Variants in TMEM167A observed in about 807,000 individuals in gnomAD.
TMEM167A encodes protein kish-A.
A neutral mutation model predicts 11.6 loss-of-function variants in TMEM167A; 8 were observed. The observed-to-expected ratio is 0.69, with a 90% confidence interval of 0.40 to 1.24. The LOEUF is 1.24. TMEM167A is among the 50% of genes most tolerant of loss of function. TMEM167A has a pLI of 0.01. For missense variants in TMEM167A, 62 were observed against 87.0 expected, an observed-to-expected ratio of 0.71 and a Z score of 1.14; for synonymous variants, 22 against 28.0, an observed-to-expected ratio of 0.79 and a Z score of 0.67.
Position 83,055,033 on chromosome 5 carries a change from T to C in TMEM167A, c.*2051A>G, listed in dbSNP as rs935327561. On this transcript the variant is annotated 3_prime_UTR_variant, in exon 4 of 4. Transcript: ENST00000502346. Reference sequence around the variant, plus strand: ...AATATACATTAAAGAAAATGTTAATTGCTTTTATTCATACTGTGTCTCTCC... The same window carrying C: ...AATATACATTAAAGAAAATGTTAATCGCTTTTATTCATACTGTGTCTCTCC... The C allele has an allele frequency of 6.6e-6, 1 of 151,978 alleles. No individual in the cohort carries two copies. Among genetic ancestry groups the C allele is most frequent in the Non-Finnish European group, 1.5e-5 (1 of 67,926 alleles). 9.4% of individuals were successfully genotyped at this position (151,978 alleles called of 1,614,324 possible).
At position 83,055,454 on chromosome 5, in the gene TMEM167A, T is replaced by C. The variant is rs1323115686; in HGVS notation, c.*1630A>G. On this transcript the variant is annotated 3_prime_UTR_variant, in exon 4 of 4. Coordinates refer to ENST00000502346, the MANE Select transcript of TMEM167A (RefSeq NM_174909.5). Reference sequence around the variant, plus strand: ...TGAGAAACCCTAAAAATCCTTGACCTGATGTAAAGCCCAAGAGGCAGTTTA... The same window carrying C: ...TGAGAAACCCTAAAAATCCTTGACCCGATGTAAAGCCCAAGAGGCAGTTTA... The C allele has an allele frequency of 6.6e-6, 1 of 151,926 alleles. No individual in the cohort carries two copies. Among genetic ancestry groups the C allele is most frequent in the Non-Finnish European group, 1.5e-5 (1 of 67,934 alleles). The allele number at this position is 151,926 out of a possible 1,614,324, so 9.4% of individuals were successfully genotyped here.
At chr5:83,076,964 G>A (rs1391194705) in intron 1 of TMEM167A, among the ~76,000 whole-genome samples, 1 of 152,182 alleles carries the variant, frequency 6.6e-6, no homozygotes, top group Non-Finnish European at 1.5e-5. Flanking sequence ...AAAGCCCCTA[G>A]GGCGAGATAA....
intron 3 of TMEM167A, among the ~76,000 whole-genome samples, chr5:83,058,048 T>G: frequency 6.6e-6 from 1 of 152,128 alleles, no homozygotes; most frequent in East Asian, 1.9e-4. Flanking sequence ...GGTATGTGCC[T>G]GGCATCCTCT....
intron 3 of TMEM167A, among the ~76,000 whole-genome samples, chr5:83,058,935 G>T (rs1354525189): frequency 6.6e-6 from 1 of 152,014 alleles, no homozygotes; most frequent in East Asian, 1.9e-4. Flanking sequence ...ATTTGGCTAG[G>T]TCTTTTCCCA....
At chr5:83,064,658 G>T (rs1387407299) in intron 2 of TMEM167A, among the ~76,000 whole-genome samples, 1 of 151,972 alleles carries the variant, frequency 6.6e-6, no homozygotes, top group Non-Finnish European at 1.5e-5. Context: ...AAATTCAACA[G>T]GACTTTACTG....
chr5:83,072,390 A>C (rs1744575003), intron 1 of TMEM167A, among the ~76,000 whole-genome samples: 1 of 152,216 alleles, frequency 6.6e-6, no homozygotes, highest in Non-Finnish European at 1.5e-5. Flanking sequence ...GCAATCAAGA[A>C]AAAAACAAAA....
intron 2 of TMEM167A, 179 bp from the exon 3 acceptor site, chr5:83,062,090 CAAT>C (rs1744415498): frequency 1.9e-6 from 1 of 540,528 alleles, no homozygotes; most frequent in Non-Finnish European, 3.3e-6. Context: ...AAGTAGGACA[CAAT>C]GACATATCAA....
intron 1 of TMEM167A, among the ~76,000 whole-genome samples, chr5:83,068,437 A>AT (rs1561303970): frequency 6.6e-6 from 1 of 152,220 alleles, no homozygotes; most frequent in Non-Finnish European, 1.5e-5. Context: ...CACAGCAGTT[A>AT]TAATCAAGTA....
intron 1 of TMEM167A, among the ~76,000 whole-genome samples, chr5:83,074,746 A>G (rs1744613006): frequency 6.6e-6 from 1 of 151,464 alleles, no homozygotes; most frequent in African/African-American, 2.4e-5. Context: ...ATCCTTGAAG[A>G]CACTGAGCAT....
At chr5:83,071,677 T>A (rs998709731) in intron 1 of TMEM167A, among the ~76,000 whole-genome samples, 2 of 152,190 alleles carry the variant, frequency 1.3e-5, no homozygotes, top group African/African-American at 4.8e-5. Flanking sequence ...TTTGGCATTA[T>A]TAGCGTATAA....
chr5:83,065,181 G>T, intron 1 of TMEM167A, 64 bp from the exon 2 acceptor site: 2 of 1,014,638 alleles, frequency 2.0e-6, no homozygotes, highest in South Asian at 1.5e-5. Flanking sequence ...AAAAATGTTT[G>T]ACAATTCCAC....
chr5:83,075,744 CAA>C (rs9331315), intron 1 of TMEM167A, among the ~76,000 whole-genome samples: 436 of 140,852 alleles, frequency 3.1e-3, no homozygotes, highest in African/African-American at 9.3e-3. Context: ...GACTCCATCT[CAA>C]AAAAAAAAAA....
At chr5:83,071,613 C>A (rs1744561937) in intron 1 of TMEM167A, among the ~76,000 whole-genome samples, 2 of 152,056 alleles carry the variant, frequency 1.3e-5, no homozygotes, top group Non-Finnish European at 2.9e-5. Context: ...AAAAAAGTGA[C>A]CAGAATTGGT....
Position 83,068,326 on chromosome 5 carries a change from T to C in TMEM167A, c.4-3209A>G, listed in dbSNP as rs1460541185. Among the ~76,000 whole-genome samples, 6 of 152,210 alleles carry C rather than the reference T, an allele frequency of 3.9e-5. No individual in the cohort carries two copies. The East Asian group carries it at 1.2e-3, about 29-fold the overall frequency. ...AACAATAGCAATTACTGATATTCAC[T>C]GAGTACTTGTTTTATGTTATCCTCA... On this transcript the variant is annotated intron_variant, in intron 1 of 3. Transcript: ENST00000502346.
chr5:83,056,936 T>C lies in TMEM167A; in HGVS notation c.*148A>G. 1.4e-6 allele frequency: 1 copy of C among 732,620 alleles called. No individual in the cohort carries two copies. The highest frequency in any genetic ancestry group is 2.4e-6 in the Non-Finnish European group (1 of 423,872). 45.4% of individuals were successfully genotyped at this position (732,620 alleles called of 1,614,324 possible). A position where few individuals can be genotyped will look rare whatever the true frequency, so the allele number is the denominator to read the frequency against. ...TTGTTTATACAGAACATTGGTCCAA[T>C]AACATTAAAATAGAGAACAGCATCT... On this transcript the variant is annotated 3_prime_UTR_variant, in exon 4 of 4. Transcript: ENST00000502346.
chr5:83,057,200 A>C (rs1466694683), intron 3 of TMEM167A, 46 bp from the exon 4 acceptor site: 1 of 1,563,978 alleles, frequency 6.4e-7, no homozygotes, highest in Admixed American at 1.7e-5. Flanking sequence ...TGAGTGGCTA[A>C]CCTGGCTATG....
In TMEM167A at chr5:83,053,874, T is replaced by C. The variant is rs1580171024; in HGVS notation, c.*3210A>G. The stretch of plus-strand genomic sequence containing the variant: ...ATAATAAATGCCATCACATTGTACT[T>C]TTAATACATACTTCATCTCTTTCAC... On this transcript the variant is annotated 3_prime_UTR_variant, in exon 4 of 4. Coordinates refer to ENST00000502346, the MANE Select transcript of TMEM167A (RefSeq NM_174909.5). The C allele has an allele frequency of 1.3e-5, 2 of 152,170 alleles. No individual in the cohort carries two copies. The highest frequency in any genetic ancestry group is 4.8e-5 in the African/African-American group (2 of 41,550). The allele number at this position is 152,170 out of a possible 1,614,324, so 9.4% of individuals were successfully genotyped here. A position where few individuals can be genotyped will look rare whatever the true frequency, so the allele number is the denominator to read the frequency against.
At chr5:83,072,050 T>TA (rs777827584) in intron 1 of TMEM167A, among the ~76,000 whole-genome samples, 1 of 152,204 alleles carries the variant, frequency 6.6e-6, no homozygotes, top group African/African-American at 2.4e-5. Flanking sequence ...ATATGATGAG[T>TA]AAAACTACAG....
At chr5:83,076,168 T>C (rs1744653578) in intron 1 of TMEM167A, among the ~76,000 whole-genome samples, 1 of 152,262 alleles carries the variant, frequency 6.6e-6, no homozygotes, top group African/African-American at 2.4e-5. Context: ...AGTCTCTTCA[T>C]GTTTCACTTC....
Sources: gnomAD v4.1 joint callset for allele counts (sites outside exome capture counted in the v4.1 genomes callset) on GRCh38, gnomAD v4.1.1 for gene constraint, MANE v1.5 for transcripts, NCBI Gene and HGNC (gene_info 2026-07-23, HGNC 2026-07-21) for gene names.